The following SNX7 variants were observed in gnomAD, a reference collection of about 807,000 sequenced individuals.
The protein encoded by SNX7 is sorting nexin-7.
A neutral mutation model predicts 48.4 loss-of-function variants in SNX7; 35 were observed. The ratio of observed to expected loss-of-function variants is 0.72; its 90% CI spans 0.55 to 0.96. The LOEUF is 0.96. Among genes scored for constraint, SNX7 ranks in the 40% least tolerant of loss-of-function variants. The probability of loss-of-function intolerance (pLI) is 0.00; values close to 1 mark genes in which losing one functional copy is unlikely to be tolerated. For missense variants in SNX7, 553 were observed against 548.9 expected, an observed-to-expected ratio of 1.01 and a Z score of -0.07; for synonymous variants, 190 against 190.2, an observed-to-expected ratio of 1.00 and a Z score of 0.01.
At chr1:98,676,369 T>C (rs1212726005) in intron 1 of SNX7, among the ~76,000 whole-genome samples, 2 of 152,230 alleles carry the variant, frequency 1.3e-5, no homozygotes, top group African/African-American at 2.4e-5. Context: ...CATTTATTGC[T>C]TCTAAATTTT....
intron 7 of SNX7, among the ~76,000 whole-genome samples, chr1:98,710,164 A>T (rs1652225683): frequency 6.6e-6 from 1 of 152,172 alleles, no homozygotes; most frequent in Non-Finnish European, 1.5e-5. Context: ...GTCAAGAGAT[A>T]TTAGAGGGTG....
In SNX7 at chr1:98,685,067, G is replaced by T; in HGVS notation, c.363G>T (p.Lys121Asn). Residue 121 changes from lysine to asparagine, a missense_variant and splice_region_variant, in exon 2 of 9, where the codon AAG becomes AAT. Transcript: ENST00000306121. The stretch of plus-strand genomic sequence containing the variant: ...TCATTACGTATAGGATTATTACTAA[G>T]GTAAACATTTGGTGAATATTTTCTT... ...ETFITYRIIT[K>N]TSRGEFDSSE... The T allele has an allele frequency of 6.9e-7, 1 of 1,452,262 alleles. No homozygotes were observed. The highest frequency in any genetic ancestry group is 1.6e-5 in the South Asian group (1 of 60,960). 90.0% of individuals were successfully genotyped at this position (1,452,262 alleles called of 1,614,324 possible).
upstream of SNX7, among the ~76,000 whole-genome samples, chr1:98,661,513 CGA>C (rs1279673810): frequency 6.6e-6 from 1 of 152,102 alleles, no homozygotes; most frequent in Non-Finnish European, 1.5e-5. Flanking sequence ...AGCCGGAGTC[CGA>C]GAGTCCCAGT....
intron 7 of SNX7, among the ~76,000 whole-genome samples, chr1:98,726,055 T>C (rs1653147052): frequency 6.6e-6 from 1 of 152,118 alleles, no homozygotes; most frequent in Non-Finnish European, 1.5e-5. Context: ...GCAGATTCAT[T>C]TAGGACAATT....
intron 1 of SNX7, among the ~76,000 whole-genome samples, chr1:98,679,134 G>T (rs1033874423): frequency 2.6e-5 from 4 of 152,164 alleles, no homozygotes; most frequent in African/African-American, 4.8e-5. Context: ...CTGCATGGCT[G>T]GGGGAGCCTC....
intron 7 of SNX7, among the ~76,000 whole-genome samples, chr1:98,720,618 G>T (rs1236592733): frequency 6.6e-6 from 1 of 151,984 alleles, no homozygotes; most frequent in East Asian, 1.9e-4. Flanking sequence ...CACATGTGCT[G>T]TTTACTCTTA....
At chr1:98,733,731 G>A (rs1401426517) in intron 7 of SNX7, among the ~76,000 whole-genome samples, 1 of 151,860 alleles carries the variant, frequency 6.6e-6, no homozygotes, top group African/African-American at 2.4e-5. Flanking sequence ...CGTTCCTAAC[G>A]CAGACTAGAT....
intron 1 of SNX7, among the ~76,000 whole-genome samples, chr1:98,664,812 A>G (rs764544498): frequency 8.5e-5 from 13 of 152,332 alleles, no homozygotes; most frequent in Non-Finnish European, 1.6e-4. Context: ...ACATTGATTT[A>G]AAAGAACGGG....
At chr1:98,745,600 A>G (rs949116283) in intron 8 of SNX7, among the ~76,000 whole-genome samples, 3 of 152,098 alleles carry the variant, frequency 2.0e-5, no homozygotes, top group Non-Finnish European at 4.4e-5. Flanking sequence ...TGTAGGCTAT[A>G]TTTCTGGCAA....
At chr1:98,687,281 T>G (rs1650856893) in intron 2 of SNX7, among the ~76,000 whole-genome samples, 2 of 152,272 alleles carry the variant, frequency 1.3e-5, no homozygotes, top group Non-Finnish European at 2.9e-5. Context: ...TTTACTTTCA[T>G]AGTATACATT....
At chr1:98,709,672 G>A (rs1652198827) in intron 7 of SNX7, among the ~76,000 whole-genome samples, 1 of 152,152 alleles carries the variant, frequency 6.6e-6, no homozygotes, top group Admixed American at 6.6e-5. Context: ...TGAGTAGCTA[G>A]TGTATTTTCA....
intron 1 of SNX7, among the ~76,000 whole-genome samples, chr1:98,668,522 C>T (rs759456196): frequency 2.0e-5 from 3 of 152,156 alleles, no homozygotes; most frequent in Non-Finnish European, 2.9e-5. Flanking sequence ...GGCTTAGATC[C>T]ATTAACACTG....
At chr1:98,682,745 T>A (rs1383948855) in intron 1 of SNX7, among the ~76,000 whole-genome samples, 1 of 152,218 alleles carries the variant, frequency 6.6e-6, no homozygotes, top group Non-Finnish European at 1.5e-5. Context: ...TGGTGATGGA[T>A]GCTTGTAGGA....
At chr1:98,681,289 A>G (rs1280174421) in intron 1 of SNX7, among the ~76,000 whole-genome samples, 5 of 152,174 alleles carry the variant, frequency 3.3e-5, no homozygotes, top group East Asian at 1.9e-4. Flanking sequence ...CCCATGACAC[A>G]TGGGAATCGT....
At chr1:98,693,195 T>TGGAC (rs1345846010) in intron 4 of SNX7, among the ~76,000 whole-genome samples, 2 of 152,074 alleles carry the variant, frequency 1.3e-5, no homozygotes, top group African/African-American at 4.8e-5. Context: ...GATGGATGGA[T>TGGAC]GGATGGACGG....
intron 7 of SNX7, among the ~76,000 whole-genome samples, chr1:98,719,531 T>C (rs1475269780): frequency 6.6e-6 from 1 of 152,088 alleles, no homozygotes; most frequent in Non-Finnish European, 1.5e-5. Context: ...CTGGTCTTTG[T>C]TCATTATATT....
At chr1:98,675,330 T>C (rs563320700) in intron 1 of SNX7, among the ~76,000 whole-genome samples, 67 of 152,260 alleles carry the variant, frequency 4.4e-4, no homozygotes, top group African/African-American at 1.6e-3. Context: ...AGATAGTCAG[T>C]TTTATTGAGG....
At chr1:98,687,655 A>G (rs570522494) in intron 2 of SNX7, among the ~76,000 whole-genome samples, 14 of 152,134 alleles carry the variant, frequency 9.2e-5, no homozygotes, top group Non-Finnish European at 1.6e-4. Flanking sequence ...GTGTTTGCAT[A>G]TGATGATATT....
rs367723583 is a variant in SNX7, at chr1:98,691,617, A to C, written c.557A>C (p.His186Pro). The change falls in exon 4 of 9, where the codon CAT (histidine) becomes CCT (proline). Residue 186 changes from histidine to proline, a missense_variant. Transcript: ENST00000306121. ...ATTGAGACACGCAGGAAGGCTTTAC[A>C]TAAATTTTTGAACCGAATTGCTGAT... ...DFIETRRKAL[H>P]KFLNRIADHP... 6.2e-6 allele frequency: 10 copies of C among 1,612,482 alleles called. No individual in the cohort carries two copies. The highest frequency in any genetic ancestry group is 6.8e-6 in the Non-Finnish European group (8 of 1,179,026).
Sources: gnomAD v4.1 joint callset for allele counts (sites outside exome capture counted in the v4.1 genomes callset) on GRCh38, gnomAD v4.1.1 for gene constraint, MANE v1.5 for transcripts, NCBI Gene and HGNC (gene_info 2026-07-23, HGNC 2026-07-21) for gene names.